ELAVL2: variants seen among roughly 807,000 people sequenced by gnomAD.
ELAVL2 encodes ELAV-like protein 2.
A neutral mutation model predicts 34.6 loss-of-function variants in ELAVL2; 4 were observed. That is an observed-to-expected ratio of 0.12 (90% CI 0.06 to 0.26). The LOEUF is 0.26. Among genes scored for constraint, ELAVL2 ranks in the 10% least tolerant of loss-of-function variants. The pLI is 1.00. For synonymous variants in ELAVL2, 193 were observed against 154.8 expected (o/e 1.25, Z -1.83); for missense variants, 432 against 442.8 (o/e 0.98, Z 0.22).
chr9:23,844,021 T>G, the ELAVL2 span, among the ~76,000 whole-genome samples: 3 of 152,008 alleles, frequency 2.0e-5, no homozygotes, highest in Non-Finnish European at 4.4e-5. Flanking sequence ...AATATATACT[T>G]CATCTTTCTA....
chr9:23,692,910 A>T (rs1396090003), intron 6 of ELAVL2, 26 bp from the exon 7 acceptor site: 1 of 1,592,720 alleles, frequency 6.3e-7, no homozygotes, highest in South Asian at 1.1e-5. Context: ...GGAAATACAC[A>T]CATACACACA....
chr9:23,847,760 G>T, the ELAVL2 span, among the ~76,000 whole-genome samples: 3 of 152,120 alleles, frequency 2.0e-5, no homozygotes, highest in South Asian at 6.2e-4. Flanking sequence ...AAAGTATGAG[G>T]AATATATAGC....
chr9:23,814,786 A>T (rs2063488019), intron 1 of ELAVL2, among the ~76,000 whole-genome samples: 1 of 152,270 alleles, frequency 6.6e-6, no homozygotes, highest in African/African-American at 2.4e-5. Context: ...ATCACCTCCA[A>T]TAAAGCAATA....
intron 2 of ELAVL2, among the ~76,000 whole-genome samples, chr9:23,752,462 C>CT (rs899957101): frequency 4.6e-5 from 7 of 150,726 alleles, no homozygotes; most frequent in East Asian, 2.0e-4. Context: ...ACTTAAGAAA[C>CT]TTTTTTTTGT....
chr9:23,741,881 T>G (rs2049290810), intron 2 of ELAVL2, among the ~76,000 whole-genome samples: 1 of 152,162 alleles, frequency 6.6e-6, no homozygotes. Flanking sequence ...AAAAATGCTT[T>G]TCCTTCCACC....
intron 1 of ELAVL2, among the ~76,000 whole-genome samples, chr9:23,805,267 CA>C (rs1173309278): frequency 6.6e-6 from 1 of 152,160 alleles, no homozygotes; most frequent in Non-Finnish European, 1.5e-5. Flanking sequence ...AAGTAAGGGC[CA>C]AAGCACCCTC....
At chr9:23,837,004 T>C in the ELAVL2 span, among the ~76,000 whole-genome samples, 1 of 152,156 alleles carries the variant, frequency 6.6e-6, no homozygotes, top group African/African-American at 2.4e-5. Context: ...CAAGACTCCT[T>C]GCAATGAGGA....
chr9:23,762,389 A>G (rs2055238401), intron 1 of ELAVL2, 140 bp from the exon 2 acceptor site: 3 of 1,060,446 alleles, frequency 2.8e-6, no homozygotes, highest in Admixed American at 5.4e-5. Context: ...AAAGTGTAAT[A>G]CCTACACTAA....
chr9:23,750,802 C>T (rs542918658), intron 2 of ELAVL2, among the ~76,000 whole-genome samples: 1 of 152,078 alleles, frequency 6.6e-6, no homozygotes, highest in Non-Finnish European at 1.5e-5. Context: ...TTACTTAGTA[C>T]CAGGGTTAGG....
At position 23,731,137 on chromosome 9, in the gene ELAVL2, G is replaced by A. The variant is rs1437357678; in HGVS notation, c.230-12C>T. 6.2e-7 allele frequency: 1 copy of A among 1,606,392 alleles called. No homozygotes were observed. Among genetic ancestry groups the A allele is most frequent in the Non-Finnish European group, 8.5e-7 (1 of 1,177,310 alleles). On this transcript the variant is annotated splice_polypyrimidine_tract_variant and intron_variant, in intron 2 of 6. Transcript: ENST00000397312. Reference sequence around the variant, plus strand: ...TCCCAAGCTCTGCCCTAATGAAAAGGAAGGGGAAAAAGGCATATATTAGTT... The same window carrying A: ...TCCCAAGCTCTGCCCTAATGAAAAGAAAGGGGAAAAAGGCATATATTAGTT...
At chr9:23,767,392 T>C (rs1038537794) in intron 1 of ELAVL2, among the ~76,000 whole-genome samples, 6 of 152,174 alleles carry the variant, frequency 3.9e-5, no homozygotes, top group African/African-American at 1.2e-4. Flanking sequence ...TTTTCTAATC[T>C]TACAATTAAA....
At chr9:23,781,212 T>C (rs931803112) in intron 1 of ELAVL2, among the ~76,000 whole-genome samples, 3 of 152,214 alleles carry the variant, frequency 2.0e-5, no homozygotes, top group Admixed American at 1.3e-4. Flanking sequence ...TAGGGTATTG[T>C]TCTCAAGGCA....
intron 1 of ELAVL2, among the ~76,000 whole-genome samples, chr9:23,766,879 G>C (rs146672950): frequency 9.9e-5 from 15 of 151,874 alleles, no homozygotes; most frequent in Admixed American, 5.3e-4. Flanking sequence ...GATTCCACTG[G>C]CTCTGAAACT....
chr9:23,812,820 A>G (rs1208286861), intron 1 of ELAVL2, among the ~76,000 whole-genome samples: 3 of 151,806 alleles, frequency 2.0e-5, no homozygotes, highest in Non-Finnish European at 4.4e-5. Context: ...TTAAGCTATT[A>G]TTCTGAAGGG....
intron 4 of ELAVL2, among the ~76,000 whole-genome samples, chr9:23,703,064 G>C (rs10811957): frequency 6.8e-6 from 1 of 146,516 alleles, no homozygotes; most frequent in South Asian, 2.3e-4. Flanking sequence ...CTCACCCTCA[G>C]AGATTTATTC....
intron 5 of ELAVL2, among the ~76,000 whole-genome samples, chr9:23,701,081 G>C (rs950549453): frequency 2.6e-5 from 4 of 152,152 alleles, no homozygotes; most frequent in Non-Finnish European, 2.9e-5. Flanking sequence ...CCCACAGGTT[G>C]TGCCAACATG....
At chr9:23,703,044 C>A (rs1337710236) in intron 4 of ELAVL2, among the ~76,000 whole-genome samples, 1 of 137,088 alleles carries the variant, frequency 7.3e-6, no homozygotes, top group Non-Finnish European at 1.5e-5. Flanking sequence ...TACCTAAGAA[C>A]AACCTGTGGC....
intron 1 of ELAVL2, among the ~76,000 whole-genome samples, chr9:23,792,151 A>T (rs1476087617): frequency 6.6e-6 from 1 of 152,200 alleles, no homozygotes; most frequent in Non-Finnish European, 1.5e-5. Flanking sequence ...TTTTATTATA[A>T]AACAGGCTTT....
intron 1 of ELAVL2, among the ~76,000 whole-genome samples, chr9:23,775,129 T>C (rs1023718821): frequency 2.6e-5 from 4 of 152,358 alleles, no homozygotes; most frequent in African/African-American, 9.6e-5. Context: ...ATGATCTCCC[T>C]GCCTTCTGGA....
Sources: allele counts gnomAD v4.1 joint callset (sites outside exome capture counted in the v4.1 genomes callset), GRCh38; gene constraint gnomAD v4.1.1; transcripts MANE v1.5; gene names NCBI Gene and HGNC (gene_info 2026-07-23, HGNC 2026-07-21).